Variants in ANKHD1 observed in about 807,000 individuals in gnomAD.
ANKHD1 encodes ankyrin repeat and KH domain containing 1.
ANKHD1 carries 31 observed loss-of-function variants against 230.5 expected under a neutral mutation model. The observed-to-expected ratio is 0.13, with a 90% CI of 0.10 to 0.18. The LOEUF (loss-of-function observed/expected upper bound fraction) is 0.18, where lower values mean the gene tolerates loss of function less well. Among genes scored for constraint, ANKHD1 ranks in the 10% least tolerant of loss-of-function variants. The pLI is 1.00. For missense variants in ANKHD1, 2,256 were observed against 3,071.3 expected (o/e 0.73, Z 6.27); for synonymous variants, 1,074 against 1,117.6 (o/e 0.96, Z 0.78).
At position 140,514,978 on chromosome 5, in the gene ANKHD1, C is replaced by CAA. The variant is rs11377029; in HGVS notation, c.4317+1509_4317+1510dup. ...TGGGTGACAGAGCAAGACCCTGTCT[C>CAA]AAAAAAAAAAAGGTCCTGTCTGGGC... On this transcript the variant is annotated intron_variant, in intron 24 of 33. Transcript: ENST00000360839. Among the ~76,000 whole-genome samples, 100 of 145,432 alleles carry CAA rather than the reference C, an allele frequency of 6.9e-4. 1 individual carries two copies. The highest frequency in any genetic ancestry group is 9.9e-4 in the Non-Finnish European group (66 of 66,382).
At chr5:140,509,611 G>A in intron 20 of ANKHD1, 26 bp from the exon 21 acceptor site, 1 of 1,485,466 alleles carries the variant, frequency 6.7e-7, no homozygotes, top group Non-Finnish European at 8.9e-7. Context: ...ATGTAACTTA[G>A]TTGCATAATT....
At chr5:140,419,784 T>TTCTTTGTC (rs1771739679) in intron 1 of ANKHD1, among the ~76,000 whole-genome samples, 1 of 68,606 alleles carries the variant, frequency 1.5e-5, no homozygotes, top group Non-Finnish European at 3.2e-5. Context: ...TTTTCTTTCT[T>TTCTTTGTC]TCTTTCTTTC....
At chr5:140,509,978 C>A (rs753233861) in intron 21 of ANKHD1, 41 bp from the exon 22 acceptor site, 10 of 1,562,868 alleles carry the variant, frequency 6.4e-6, no homozygotes, top group Admixed American at 6.2e-5. Flanking sequence ...AAGCCAGCCT[C>A]TTCTTACAGG....
chr5:140,468,445 C>T (rs1776266414), intron 10 of ANKHD1, among the ~76,000 whole-genome samples: 1 of 152,036 alleles, frequency 6.6e-6, no homozygotes, highest in Non-Finnish European at 1.5e-5. Context: ...GTAATTTAGA[C>T]ATGGGTACAT....
intron 11 of ANKHD1, among the ~76,000 whole-genome samples, chr5:140,484,017 C>T (rs1283340691): frequency 6.6e-6 from 1 of 152,166 alleles, no homozygotes; most frequent in Non-Finnish European, 1.5e-5. Flanking sequence ...GGAATAGGAA[C>T]ACATTGATTA....
At chr5:140,508,713 G>A (rs779308932) in intron 20 of ANKHD1, among the ~76,000 whole-genome samples, 3 of 151,740 alleles carry the variant, frequency 2.0e-5, no homozygotes, top group Admixed American at 2.0e-4. Context: ...CAGAGATCAC[G>A]CCATTGCACT....
intron 1 of ANKHD1, among the ~76,000 whole-genome samples, chr5:140,424,229 G>T (rs899650130): frequency 1.3e-5 from 2 of 152,048 alleles, no homozygotes; most frequent in African/African-American, 2.4e-5. Flanking sequence ...TAGAGAGAGA[G>T]AGAGAGAGAG....
intron 24 of ANKHD1, among the ~76,000 whole-genome samples, chr5:140,522,417 G>C (rs956068460): frequency 1.3e-5 from 2 of 152,094 alleles, no homozygotes; most frequent in Non-Finnish European, 2.9e-5. Flanking sequence ...TATAAACAAT[G>C]CTCAATGATT....
intron 14 of ANKHD1, among the ~76,000 whole-genome samples, chr5:140,493,169 C>A (rs1052358856): frequency 3.3e-5 from 5 of 152,200 alleles, no homozygotes; most frequent in African/African-American, 1.2e-4. Flanking sequence ...TCAAGCGATT[C>A]TCTTGCTTCA....
rs1342904159 is a variant in ANKHD1 at position 140,504,979 on chromosome 5, CTTTA to C, written c.3150+18_3150+21del. 6.2e-7 allele frequency: 1 copy of C among 1,612,470 alleles called. No homozygotes were observed. The highest frequency in any genetic ancestry group is 8.5e-7 in the Non-Finnish European group (1 of 1,179,544). On this transcript the variant is annotated intron_variant, in intron 16 of 33. Coordinates refer to ENST00000360839, the MANE Select transcript of ANKHD1 (RefSeq NM_017747.3). Reference sequence around the variant, plus strand: ...CATTGATGCACATGTGAGTAGATTGCTTTATTTAAACTTATTTTGCACATTCTGA... The same window carrying C: ...CATTGATGCACATGTGAGTAGATTGCTTTAAACTTATTTTGCACATTCTGA...
In ANKHD1 at chr5:140,458,669, T is replaced by C; in HGVS notation, c.1287T>C (p.Ala429=). ...CACGTTTGCTTTTGGATAGTGGTGCTCAAGTGAACATGCCTGCAGATTCAT... is the reference window on the plus strand; with the variant it reads ...CACGTTTGCTTTTGGATAGTGGTGCCCAAGTGAACATGCCTGCAGATTCAT... ...EVARLLLDSG[A]QVNMPADSFE... The change falls in exon 8 of 34, where the codon GCT becomes GCC. Residue 429 remains alanine, a synonymous_variant. Transcript: ENST00000360839. 1.2e-6 allele frequency: 2 copies of C among 1,611,192 alleles called. No homozygotes were observed. Among genetic ancestry groups the C allele is most frequent in the Non-Finnish European group, 8.5e-7 (1 of 1,178,390 alleles).
At chr5:140,409,903 TAAA>T (rs1770787714) in intron 1 of ANKHD1, among the ~76,000 whole-genome samples, 1 of 152,178 alleles carries the variant, frequency 6.6e-6, no homozygotes, top group African/African-American at 2.4e-5. Context: ...CTTCATGATG[TAAA>T]GCCTTAAGAC....
At chr5:140,497,397 C>T (rs1752081244) in intron 15 of ANKHD1, 119 bp downstream of exon 15, 1 of 1,435,500 alleles carries the variant, frequency 7.0e-7, no homozygotes, top group Admixed American at 2.6e-5. Flanking sequence ...GTAAAATTAC[C>T]CATTTCTCGA....
At chr5:140,530,920 A>G (rs1463200248) in intron 29 of ANKHD1, among the ~76,000 whole-genome samples, 1 of 152,246 alleles carries the variant, frequency 6.6e-6, no homozygotes, top group Non-Finnish European at 1.5e-5. Context: ...TTCATTTCAG[A>G]TATGTTTCCA....
intron 11 of ANKHD1, among the ~76,000 whole-genome samples, chr5:140,483,419 T>C (rs533876164): frequency 1.3e-5 from 2 of 151,688 alleles, no homozygotes; most frequent in South Asian, 2.1e-4. Context: ...TTCTGACATT[T>C]AGTGACATTA....
intron 7 of ANKHD1, among the ~76,000 whole-genome samples, chr5:140,451,594 G>T (rs911901767): frequency 6.6e-6 from 1 of 152,082 alleles, no homozygotes; most frequent in African/African-American, 2.4e-5. Flanking sequence ...TGCAACCTCT[G>T]CCTCCTATGC....
chr5:140,409,036 T>C (rs1056922899), intron 1 of ANKHD1, among the ~76,000 whole-genome samples: 3 of 152,190 alleles, frequency 2.0e-5, no homozygotes, highest in Admixed American at 2.0e-4. Context: ...AACCCGATTA[T>C]GATAGCCAAA....
intron 10 of ANKHD1, among the ~76,000 whole-genome samples, chr5:140,474,598 C>CT (rs771180811): frequency 0.021 from 2,537 of 120,768 alleles, 20 homozygotes; most frequent in Middle Eastern, 0.03. Context: ...TTTTTTTCTT[C>CT]TTTTTTTTTT....
At chr5:140,491,590 A>T (rs987396575) in intron 14 of ANKHD1, among the ~76,000 whole-genome samples, 6 of 152,158 alleles carry the variant, frequency 3.9e-5, no homozygotes, top group African/African-American at 1.4e-4. Flanking sequence ...TTCTACCTAT[A>T]GCATAGTGCT....
Sources: gnomAD v4.1 joint callset for allele counts (sites outside exome capture counted in the v4.1 genomes callset) on GRCh38, gnomAD v4.1.1 for gene constraint, MANE v1.5 for transcripts, NCBI Gene and HGNC (gene_info 2026-07-23, HGNC 2026-07-21) for gene names.